The following VPS13D variants were observed in gnomAD, a reference collection of about 807,000 sequenced individuals.
VPS13D encodes the protein vacuolar protein sorting 13 homolog D.
In VPS13D, 187 loss-of-function variants were observed where a neutral mutation model predicts 461.9. The ratio of observed to expected loss-of-function variants is 0.40; its 90% CI spans 0.36 to 0.46. The LOEUF is 0.46. VPS13D is among the 20% of genes least tolerant of loss of function. The pLI, the probability that VPS13D is intolerant of heterozygous loss-of-function variation, is 0.60. For synonymous variants in VPS13D, 1,951 were observed against 1,986.3 expected (o/e 0.98, Z 0.47); for missense variants, 4,711 against 5,364.9 (o/e 0.88, Z 3.81).
chr1:12,412,293 A>G (rs1357865020), intron 63 of VPS13D, among the ~76,000 whole-genome samples: 2 of 152,224 alleles, frequency 1.3e-5, no homozygotes, highest in African/African-American at 4.8e-5. Context: ...TTTGGAAGCA[A>G]ATTGACAAGC....
At chr1:12,327,917 G>A (rs1643232848) in intron 36 of VPS13D, 63 bp downstream of exon 36, 4 of 1,525,088 alleles carry the variant, frequency 2.6e-6, no homozygotes, top group Non-Finnish European at 3.5e-6. Flanking sequence ...GAATTATTTG[G>A]GGCCTTTTTT....
At chr1:12,428,919 A>G (rs1644958392) in intron 65 of VPS13D, among the ~76,000 whole-genome samples, 1 of 152,236 alleles carries the variant, frequency 6.6e-6, no homozygotes, top group African/African-American at 2.4e-5. Flanking sequence ...GGAAATAAGT[A>G]TTGCAGTGGG....
In VPS13D at chr1:12,262,093, C is replaced by G. The variant is rs761969622; in HGVS notation, c.1594+13C>G. The G allele has an allele frequency of 6.3e-7, 1 of 1,597,230 alleles. No individual in the cohort carries two copies. The highest frequency in any genetic ancestry group is 8.6e-7 in the Non-Finnish European group (1 of 1,169,180). On this transcript the variant is annotated intron_variant, in intron 13 of 69. Transcript: ENST00000620676. ...CTCGAGTTTTCAGGTACACTGCCCC[C>G]AAGAAACTACCTGCCACTGTTGTCT...
In VPS13D at chr1:12,405,613, G is replaced by A. The variant is rs17038007; in HGVS notation, c.12030+1640G>A. ...ACTCACTGCCCTGTCTGCTTCATTCGCTTTAATTTCATGTTTCCCAGGAGA... is the reference window on the plus strand; with the variant it reads ...ACTCACTGCCCTGTCTGCTTCATTCACTTTAATTTCATGTTTCCCAGGAGA... On this transcript the variant is annotated intron_variant, in intron 63 of 69. Coordinates refer to ENST00000620676, the MANE Select transcript of VPS13D (RefSeq NM_015378.4). 7.2e-3 allele frequency among the ~76,000 whole-genome samples: 1,103 copies of A among 152,248 alleles called. 57 individuals are homozygous for A. The East Asian group carries it at 0.13, about 18-fold the overall frequency.
At chr1:12,413,269 T>A (rs1171943689) in intron 63 of VPS13D, among the ~76,000 whole-genome samples, 1 of 151,452 alleles carries the variant, frequency 6.6e-6, no homozygotes, top group Non-Finnish European at 1.5e-5. Flanking sequence ...GATGGGTGGA[T>A]CACTTGAGGC....
At chr1:12,476,944 C>G (rs1339694646) in intron 67 of VPS13D, among the ~76,000 whole-genome samples, 1 of 152,352 alleles carries the variant, frequency 6.6e-6, no homozygotes, top group East Asian at 1.9e-4. Context: ...CATAGCTTAA[C>G]TTCGAAGGAG....
At chr1:12,325,930 C>T (rs1315724816) in intron 35 of VPS13D, among the ~76,000 whole-genome samples, 1 of 150,422 alleles carries the variant, frequency 6.6e-6, no homozygotes, top group South Asian at 2.1e-4. Flanking sequence ...TTTTAAATAC[C>T]AGACCAAAGG....
chr1:12,423,695 T>C (rs1365608613), intron 65 of VPS13D, among the ~76,000 whole-genome samples: 2 of 152,222 alleles, frequency 1.3e-5, no homozygotes, highest in Non-Finnish European at 2.9e-5. Flanking sequence ...CATGATCCAG[T>C]GGAAACTGAC....
chr1:12,495,453 C>T lies in VPS13D; in HGVS notation c.12663-2047C>T, dbSNP rs1380113179. ...GATTACAGGCGTGAGCCACTGCGCC[C>T]GGCCGATGTAACATCTTTTGAAAGG... On this transcript the variant is annotated intron_variant, in intron 67 of 69. Coordinates refer to ENST00000620676, the MANE Select transcript of VPS13D (RefSeq NM_015378.4). This position sits in a 1 kb window ranked among gnomAD's most constrained non-coding sequence, Gnocchi z 4.0. Among the ~76,000 whole-genome samples the T allele has an allele frequency of 7.2e-5, 11 of 152,182 alleles. No homozygotes were observed. Among genetic ancestry groups the T allele is most frequent in the African/African-American group, 7.2e-5 (3 of 41,432 alleles).
At chr1:12,243,600 T>C (rs900198297) in intron 3 of VPS13D, among the ~76,000 whole-genome samples, 2 of 152,198 alleles carry the variant, frequency 1.3e-5, no homozygotes, top group Non-Finnish European at 2.9e-5. Flanking sequence ...AAGACCAGCC[T>C]GGGCAACACT....
chr1:12,340,513 C>T (rs982464720), intron 40 of VPS13D, among the ~76,000 whole-genome samples: 3 of 152,130 alleles, frequency 2.0e-5, no homozygotes, highest in Admixed American at 6.5e-5. Context: ...TGACAATTAC[C>T]GACTGTTATG....
rs969172821 is a variant in VPS13D, at chr1:12,416,902, T to C, written c.12333+75T>C. On this transcript the variant is annotated intron_variant, in intron 65 of 69. Coordinates refer to ENST00000620676, the MANE Select transcript of VPS13D (RefSeq NM_015378.4). Reference sequence around the variant, plus strand: ...TACAGTACTACAATTTCTTTTATAGTTAATGGGCTGTGAAAAGTTATATTC... The same window carrying C: ...TACAGTACTACAATTTCTTTTATAGCTAATGGGCTGTGAAAAGTTATATTC... 6 of 1,428,790 alleles carry C rather than the reference T, an allele frequency of 4.2e-6. No individual in the cohort carries two copies. In the Admixed American group the frequency reaches 7.5e-5, roughly 18 times the overall value. The allele number at this position is 1,428,790 out of a possible 1,614,324, so 88.5% of individuals were successfully genotyped here.
chr1:12,322,904 A>G (rs1039775996), intron 34 of VPS13D, among the ~76,000 whole-genome samples, 158 bp downstream of exon 34: 9 of 152,344 alleles, frequency 5.9e-5, no homozygotes, highest in African/African-American at 2.2e-4. Context: ...ATTTTTTAAA[A>G]TTTAAAAACA....
intron 67 of VPS13D, among the ~76,000 whole-genome samples, chr1:12,462,870 A>G (rs964679705): frequency 2.6e-5 from 4 of 152,174 alleles, no homozygotes; most frequent in Non-Finnish European, 2.9e-5. Flanking sequence ...CCATGCCCTC[A>G]TGAAGGCACT....
chr1:12,292,901 T>G (rs561076130), intron 23 of VPS13D, among the ~76,000 whole-genome samples: 7 of 152,290 alleles, frequency 4.6e-5, no homozygotes, highest in Non-Finnish European at 8.8e-5. Flanking sequence ...GTCCGATAAT[T>G]AATGTAAAAT....
At chr1:12,462,820 G>T (rs181932232) in intron 67 of VPS13D, among the ~76,000 whole-genome samples, 45 of 152,186 alleles carry the variant, frequency 3.0e-4, no homozygotes, top group African/African-American at 1.1e-3. Context: ...GTTTCCTCTG[G>T]CCTGCCACCT....
intron 2 of VPS13D, among the ~76,000 whole-genome samples, chr1:12,242,258 C>A (rs1640401814): frequency 6.6e-6 from 1 of 152,182 alleles, no homozygotes; most frequent in South Asian, 2.1e-4. Context: ...CTGGTGGTAG[C>A]ACTACACATG....
At chr1:12,232,337 A>G (rs1371031320) in intron 1 of VPS13D, among the ~76,000 whole-genome samples, 10 of 152,170 alleles carry the variant, frequency 6.6e-5, no homozygotes, top group Admixed American at 6.6e-4. Flanking sequence ...TGCTTCAGGT[A>G]GTTGTTGGAT....
intron 65 of VPS13D, among the ~76,000 whole-genome samples, chr1:12,418,849 C>G (rs755058339): frequency 4.6e-5 from 7 of 152,058 alleles, no homozygotes; most frequent in Non-Finnish European, 1.0e-4. Flanking sequence ...CCATCAGGGC[C>G]AGTTTGACTC....
Sources: gnomAD v4.1 joint callset for allele counts (sites outside exome capture counted in the v4.1 genomes callset) on GRCh38, gnomAD v4.1.1 for gene constraint, Gnocchi (gnomAD v3.1) non-coding constraint, MANE v1.5 for transcripts, NCBI Gene and HGNC (gene_info 2026-07-23, HGNC 2026-07-21) for gene names.